Variants in CHST9 observed in about 807,000 individuals in gnomAD.
CHST9 encodes carbohydrate sulfotransferase 9.
Under a neutral mutation model 44.4 loss-of-function variants are expected in CHST9, and 41 were observed. The observed-to-expected ratio is 0.92, with a 90% CI of 0.72 to 1.20. The LOEUF is 1.20. Among genes scored for constraint, CHST9 ranks in the 50% most tolerant of loss-of-function variants. CHST9 has a pLI of 0.00. For missense variants in CHST9, 504 were observed against 516.5 expected (o/e 0.98, Z 0.23); for synonymous variants, 171 against 178.4 (o/e 0.96, Z 0.33).
At chr18:27,075,969 G>A (rs1230690095) in intron 2 of CHST9, among the ~76,000 whole-genome samples, 1 of 152,200 alleles carries the variant, frequency 6.6e-6, no homozygotes, top group East Asian at 1.9e-4. Flanking sequence ...AAGATGTGAA[G>A]TGCACAGAGC....
intron 2 of CHST9, among the ~76,000 whole-genome samples, chr18:27,136,255 G>A (rs1027661719): frequency 6.6e-5 from 10 of 152,218 alleles, no homozygotes; most frequent in Admixed American, 6.5e-4. Context: ...AGGCTTACTT[G>A]TGGAAATGAG....
At chr18:27,097,319 C>G (rs894690901) in intron 2 of CHST9, among the ~76,000 whole-genome samples, 1 of 151,996 alleles carries the variant, frequency 6.6e-6, no homozygotes, top group Non-Finnish European at 1.5e-5. Flanking sequence ...GAACCATTTC[C>G]GTGGAGAACT....
chr18:27,178,412 T>C (rs917139932), intron 1 of CHST9, among the ~76,000 whole-genome samples: 4 of 151,880 alleles, frequency 2.6e-5, no homozygotes, highest in African/African-American at 7.2e-5. Flanking sequence ...TGGGAAGAAA[T>C]CTAAGAAAAA....
At chr18:26,964,799 T>G (rs559238666) in intron 4 of CHST9, among the ~76,000 whole-genome samples, 2 of 152,126 alleles carry the variant, frequency 1.3e-5, no homozygotes, top group Non-Finnish European at 2.9e-5. Context: ...AGAACAAGAC[T>G]AAAGGAAATG....
intron 5 of CHST9, among the ~76,000 whole-genome samples, chr18:26,918,325 G>T (rs2055576200): frequency 6.6e-6 from 1 of 152,066 alleles, no homozygotes; most frequent in Admixed American, 6.6e-5. Context: ...GGAGAGGAAT[G>T]GACTGGATAT....
chr18:27,131,557 A>C (rs1221483054), intron 2 of CHST9, among the ~76,000 whole-genome samples: 1 of 152,136 alleles, frequency 6.6e-6, no homozygotes, highest in African/African-American at 2.4e-5. Context: ...GTATCAAAAA[A>C]CAAAACAGAA....
intron 1 of CHST9, among the ~76,000 whole-genome samples, chr18:27,163,171 G>C (rs2058762004): frequency 6.6e-6 from 1 of 152,170 alleles, no homozygotes; most frequent in South Asian, 2.1e-4. Flanking sequence ...CGTTCCTCTG[G>C]AAGTTTTGTC....
At chr18:27,126,588 G>C (rs923215823) in intron 2 of CHST9, among the ~76,000 whole-genome samples, 4 of 152,122 alleles carry the variant, frequency 2.6e-5, no homozygotes, top group Non-Finnish European at 5.9e-5. Flanking sequence ...AGGACAGCTG[G>C]AGGTTTAGGG....
intron 3 of CHST9, among the ~76,000 whole-genome samples, chr18:27,040,291 C>A (rs957868253): frequency 6.6e-6 from 1 of 152,032 alleles, no homozygotes; most frequent in Non-Finnish European, 1.5e-5. Flanking sequence ...ATCATCCCAC[C>A]CTTTAAATGG....
chr18:26,941,979 TTTTCAA>T (rs1433976968), intron 5 of CHST9, among the ~76,000 whole-genome samples: 2 of 152,172 alleles, frequency 1.3e-5, no homozygotes, highest in African/African-American at 4.8e-5. Flanking sequence ...AAAGACTCGA[TTTTCAA>T]TTTCAATTTA....
chr18:26,971,434 ATG>A (rs1429524863), intron 4 of CHST9, among the ~76,000 whole-genome samples: 1 of 152,264 alleles, frequency 6.6e-6, no homozygotes. Flanking sequence ...ATTCCTGAAC[ATG>A]TGAGACATAG....
chr18:27,137,208 A>G (rs1174427191), intron 2 of CHST9, among the ~76,000 whole-genome samples: 5 of 151,304 alleles, frequency 3.3e-5, no homozygotes, highest in Non-Finnish European at 4.4e-5. Context: ...TATAATGAAT[A>G]TATAATTTAT....
chr18:27,108,745 C>A (rs1410316763), intron 2 of CHST9, among the ~76,000 whole-genome samples: 1 of 152,154 alleles, frequency 6.6e-6, no homozygotes, highest in Non-Finnish European at 1.5e-5. Context: ...AATCAGAAGT[C>A]ATTATGATTA....
chr18:27,119,650 TG>T (rs1048816350), intron 2 of CHST9, among the ~76,000 whole-genome samples: 19 of 129,510 alleles, frequency 1.5e-4, no homozygotes, highest in South Asian at 9.1e-4. Flanking sequence ...TTTTTTGTTT[TG>T]GGTTTTTTTT....
intron 1 of CHST9, among the ~76,000 whole-genome samples, chr18:27,171,490 C>A (rs1020407633): frequency 6.6e-6 from 1 of 151,918 alleles, no homozygotes. Flanking sequence ...AAAAATGTAA[C>A]CAAAATCTAA....
chr18:27,182,222 A>C (rs1236121805), intron 1 of CHST9, among the ~76,000 whole-genome samples: 1 of 152,220 alleles, frequency 6.6e-6, no homozygotes, highest in Non-Finnish European at 1.5e-5. Context: ...AATAAGATGT[A>C]ACATGTTCTT....
At chr18:26,984,149 A>G (rs986508228) in intron 4 of CHST9, among the ~76,000 whole-genome samples, 50 of 152,258 alleles carry the variant, frequency 3.3e-4, no homozygotes, top group African/African-American at 1.1e-3. Flanking sequence ...TATGGAAATT[A>G]ATTTAACTCA....
chr18:27,154,244 G>A (rs554247218), intron 1 of CHST9, among the ~76,000 whole-genome samples: 9 of 151,648 alleles, frequency 5.9e-5, no homozygotes, highest in Non-Finnish European at 8.8e-5. Flanking sequence ...TTATATTCTC[G>A]GTGCTACTAC....
At chr18:27,057,654 G>C (rs1424603418) in intron 2 of CHST9, among the ~76,000 whole-genome samples, 1 of 152,210 alleles carries the variant, frequency 6.6e-6, no homozygotes, top group East Asian at 1.9e-4. Context: ...TACAAAAACT[G>C]GCCCTTCAGA....
Sources: allele counts gnomAD v4.1 joint callset (sites outside exome capture counted in the v4.1 genomes callset), GRCh38; gene constraint gnomAD v4.1.1; transcripts MANE v1.5; gene names NCBI Gene and HGNC (gene_info 2026-07-23, HGNC 2026-07-21).